The following EARS2 variants were observed in gnomAD, a reference collection of about 807,000 sequenced individuals.
EARS2 encodes the protein nondiscriminating glutamyl-tRNA synthetase EARS2, mitochondrial.
In EARS2, 50 loss-of-function variants were observed where a neutral mutation model predicts 54.1. The ratio of observed to expected loss-of-function variants is 0.92; its 90% CI spans 0.74 to 1.17. The LOEUF is 1.17. Ranked by LOEUF, EARS2 falls within the 50% of genes most tolerant of loss-of-function variation. The pLI is 0.00. For missense variants in EARS2, 673 were observed against 675.0 expected, an observed-to-expected ratio of 1.00 and a Z score of 0.03; for synonymous variants, 298 against 281.0, an observed-to-expected ratio of 1.06 and a Z score of -0.61.
chr16:23,542,170 T>C (rs1965523826), intron 3 of EARS2, among the ~76,000 whole-genome samples: 1 of 151,896 alleles, frequency 6.6e-6, no homozygotes, highest in Non-Finnish European at 1.5e-5. Flanking sequence ...ATTTTTGTAT[T>C]TTTAGTAAAG....
intron 1 of EARS2, among the ~76,000 whole-genome samples, chr16:23,555,425 T>G (rs1965760121): frequency 6.6e-6 from 1 of 152,006 alleles, no homozygotes; most frequent in African/African-American, 2.4e-5. Flanking sequence ...GAGGCTGAGG[T>G]TGCAGTGAGC....
chr16:23,545,602 C>A (rs1216514381), intron 2 of EARS2, among the ~76,000 whole-genome samples: 1 of 152,140 alleles, frequency 6.6e-6, no homozygotes, highest in African/African-American at 2.4e-5. Flanking sequence ...AGCTTCAAAC[C>A]CAGACTAATG....
At chr16:23,540,377 G>A (rs1490876369) in intron 3 of EARS2, among the ~76,000 whole-genome samples, 3 of 152,152 alleles carry the variant, frequency 2.0e-5, no homozygotes, top group Admixed American at 6.5e-5. Context: ...CAATGTCACC[G>A]TAAACGTCAT....
chr16:23,532,283 G>A (rs531870124), intron 5 of EARS2, among the ~76,000 whole-genome samples: 227 of 152,322 alleles, frequency 1.5e-3, no homozygotes, highest in South Asian at 3.3e-3. Context: ...TGAGGGTGGG[G>A]AGGGAGTCTA....
At chr16:23,528,639 G>C (rs923508808) in intron 7 of EARS2, among the ~76,000 whole-genome samples, 1 of 152,198 alleles carries the variant, frequency 6.6e-6, no homozygotes, top group Admixed American at 6.5e-5. Flanking sequence ...TATGGCTCAC[G>C]CCTGTAATCC....
intron 4 of EARS2, among the ~76,000 whole-genome samples, chr16:23,534,157 T>G (rs7186974): frequency 0.82 from 124,973 of 152,186 alleles, 51,411 homozygotes; most frequent in Middle Eastern, 0.89. Flanking sequence ...GGCATAGGCC[T>G]AAAGCGCTAT....
intron 2 of EARS2, chr16:23,544,932 C>A (rs1173249441): frequency 1.7e-5 from 7 of 414,446 alleles, no homozygotes; most frequent in Admixed American, 4.0e-5. Context: ...ACCTCCACCT[C>A]CCAAGTTCAA....
chr16:23,536,682 CTTTTTTTT>C (rs953231916), intron 3 of EARS2, among the ~76,000 whole-genome samples: 19 of 113,522 alleles, frequency 1.7e-4, no homozygotes, highest in African/African-American at 4.7e-4. Flanking sequence ...CTTTTTTTTT[CTTTTTTTT>C]TTTTTTTTTT....
Position 23,522,545 on chromosome 16 carries a change from T to A in EARS2, c.*1826A>T, listed in dbSNP as rs553824286. On this transcript the variant is annotated 3_prime_UTR_variant, in exon 9 of 9. Transcript: ENST00000449606. The stretch of plus-strand genomic sequence containing the variant: ...AAACATAAGTGAGGCAGAGTTGGTT[T>A]CTATTGTTTGCAACCAACGAACTTA... 2 of 152,344 alleles carry A rather than the reference T, an allele frequency of 1.3e-5. No homozygotes were observed. The highest frequency in any genetic ancestry group is 1.3e-4 in the Admixed American group (2 of 15,284). 9.4% of individuals were successfully genotyped at this position (152,344 alleles called of 1,614,324 possible).
intron 2 of EARS2, among the ~76,000 whole-genome samples, chr16:23,550,435 CTTTT>C (rs34422725): frequency 9.9e-6 from 1 of 100,634 alleles, no homozygotes; most frequent in African/African-American, 3.9e-5. Context: ...AGCACATGGT[CTTTT>C]TTTTTTTTTT....
intron 3 of EARS2, chr16:23,537,227 C>T (rs564495391): frequency 4.4e-5 from 7 of 157,630 alleles, no homozygotes; most frequent in Non-Finnish European, 8.5e-5. Flanking sequence ...AACAGAGCAG[C>T]GGCAGTAAAC....
chr16:23,525,047 G>A, intron 8 of EARS2, 197 bp downstream of exon 8: 1 of 684,490 alleles, frequency 1.5e-6, no homozygotes, highest in South Asian at 1.8e-5. Flanking sequence ...ATTCTATATT[G>A]TATTCACTGT....
intron 2 of EARS2, among the ~76,000 whole-genome samples, chr16:23,549,836 A>G (rs1402656973): frequency 6.6e-6 from 1 of 152,132 alleles, no homozygotes; most frequent in African/African-American, 2.4e-5. Flanking sequence ...TGCTCCTCAA[A>G]TACATCTAGA....
In EARS2 at chr16:23,535,182, T is replaced by C; in HGVS notation, c.664A>G (p.Ser222Gly). ...AGGTGGTATGTGGGGAAGCCGTCGC[T>C]CTTCATGATGACTGGGTCTCCCTCC... Reference protein sequence around the residue: ...SVEGDPVIMKSDGFPTYHLAC... With the variant: ...SVEGDPVIMKGDGFPTYHLAC... Residue 222 changes from serine to glycine, a missense_variant, in exon 4 of 9, where the codon AGC becomes GGC. This residue lies in a region of EARS2 where 19 missense variants were observed against 38.7 expected (regional missense o/e 0.49). Transcript: ENST00000449606. 3 of 1,613,836 alleles carry C rather than the reference T, an allele frequency of 1.9e-6. No individual in the cohort carries two copies. The highest frequency in any genetic ancestry group is 2.5e-6 in the Non-Finnish European group (3 of 1,180,008).
intron 2 of EARS2, among the ~76,000 whole-genome samples, chr16:23,545,477 T>C (rs1965588439): frequency 6.6e-6 from 1 of 152,100 alleles, no homozygotes; most frequent in Non-Finnish European, 1.5e-5. Context: ...AAAAGACACT[T>C]TTCCCTGAAG....
At chr16:23,551,967 T>C (rs1375439502) in intron 2 of EARS2, among the ~76,000 whole-genome samples, 182 bp downstream of exon 2, 1 of 152,154 alleles carries the variant, frequency 6.6e-6, no homozygotes, top group Non-Finnish European at 1.5e-5. Flanking sequence ...TGGAGCTGTG[T>C]TTCAGAGAGC....
chr16:23,552,010 C>T (rs755688113), intron 2 of EARS2, 139 bp downstream of exon 2: 13 of 1,026,668 alleles, frequency 1.3e-5, no homozygotes, highest in Admixed American at 1.2e-4. Flanking sequence ...TCTGCCACCC[C>T]GGGCAGGGCA....
intron 7 of EARS2, 30 bp downstream of exon 7, chr16:23,529,472 G>A (rs777418791): frequency 6.2e-7 from 1 of 1,607,240 alleles, no homozygotes; most frequent in Non-Finnish European, 8.5e-7. Flanking sequence ...GGAGGGTGTG[G>A]AACCCTGAGC....
Position 23,529,772 on chromosome 16 carries a change from T to C in EARS2, c.1193A>G (p.Tyr398Cys), listed in dbSNP as rs571483034. The C allele has an allele frequency of 7.9e-5, 127 of 1,614,160 alleles. 2 individuals are homozygous for C. The South Asian group carries it at 1.2e-3, about 15-fold the overall frequency. ...LQNRDVLNPV[Y>C]VERILLLRQG... is the part of the protein sequence containing the mutation. ...TCTCAGCAGGAGGATCCTCTCCACGTAGACTGGGTTGAGGACATCCCTGTT... is the reference window on the plus strand; with the variant it reads ...TCTCAGCAGGAGGATCCTCTCCACGCAGACTGGGTTGAGGACATCCCTGTT... Residue 398 changes from tyrosine (Y) to cysteine (C), a missense_variant, in exon 6 of 9, where the codon TAC (tyrosine) becomes TGC (cysteine). This residue lies in a region of EARS2 where 338 missense variants were observed against 361.2 expected (regional missense o/e 0.94). Transcript: ENST00000449606.
Sources: gnomAD v4.1 joint callset for allele counts (sites outside exome capture counted in the v4.1 genomes callset) on GRCh38, gnomAD v4.1.1 for gene constraint, gnomAD v4.1.1 regional missense constraint, MANE v1.5 for transcripts, NCBI Gene and HGNC (gene_info 2026-07-23, HGNC 2026-07-21) for gene names.